SEMA6D: variants seen among roughly 807,000 people sequenced by gnomAD.
The protein encoded by SEMA6D is semaphorin-6D.
A neutral mutation model predicts 106.6 loss-of-function variants in SEMA6D; 35 were observed. The ratio of observed to expected loss-of-function variants is 0.33; its 90% CI spans 0.25 to 0.44. SEMA6D has a LOEUF of 0.44. Ranked by LOEUF, SEMA6D falls within the 20% of genes least tolerant of loss-of-function variation. The pLI, the probability that SEMA6D is intolerant of heterozygous loss-of-function variation, is 1.00. For missense variants in SEMA6D, 1,185 were observed against 1,345.9 expected (o/e 0.88, Z 1.87); for synonymous variants, 499 against 487.7 (o/e 1.02, Z -0.31).
intron 3 of SEMA6D, among the ~76,000 whole-genome samples, chr15:47,571,688 T>C (rs994531248): frequency 6.6e-6 from 1 of 152,214 alleles, no homozygotes; most frequent in African/African-American, 2.4e-5. Context: ...TAGAGTTATG[T>C]AGGCCTCATT....
At chr15:47,291,417 G>T (rs536375941) in intron 1 of SEMA6D, among the ~76,000 whole-genome samples, 1 of 152,194 alleles carries the variant, frequency 6.6e-6, no homozygotes, top group Admixed American at 6.5e-5. Context: ...TGCAGCCCTA[G>T]AACTCCAGCA....
rs1212202049 is a variant in SEMA6D, at chr15:47,238,876, C to T, written c.-239+54458C>T. On this transcript the variant is annotated intron_variant, in intron 1 of 19. Coordinates refer to the SEMA6D transcript ENST00000558014. Reference sequence around the variant, plus strand: ...TCTCCTCTTTTAGGATTCATTGACACTTAGGAATAAATATGCCACTCAACT... The same window carrying T: ...TCTCCTCTTTTAGGATTCATTGACATTTAGGAATAAATATGCCACTCAACT... 3.9e-5 allele frequency among the ~76,000 whole-genome samples: 6 copies of T among 152,122 alleles called. No homozygotes were observed. In the East Asian group the frequency reaches 1.2e-3, roughly 29 times the overall value.
At chr15:47,498,717 G>A (rs189502829) in intron 3 of SEMA6D, among the ~76,000 whole-genome samples, 41 of 152,204 alleles carry the variant, frequency 2.7e-4, no homozygotes, top group Non-Finnish European at 4.9e-4. Flanking sequence ...TTGGAGGGGC[G>A]CTGGAGAACA....
intron 2 of SEMA6D, among the ~76,000 whole-genome samples, chr15:47,425,384 ATTATTTATTT>A (rs1474498553): frequency 6.6e-6 from 1 of 151,834 alleles, no homozygotes; most frequent in Non-Finnish European, 1.5e-5. Context: ...CTTTTAATTA[ATTATTTATTT>A]TTATTTATTT....
At chr15:47,251,340 T>C (rs2141929797) in intron 1 of SEMA6D, among the ~76,000 whole-genome samples, 1 of 152,298 alleles carries the variant, frequency 6.6e-6, no homozygotes, top group South Asian at 2.1e-4. Context: ...TAAGTTCTAC[T>C]CATGAATCTT....
At chr15:47,479,489 A>G (rs1291890839) in intron 3 of SEMA6D, among the ~76,000 whole-genome samples, 1 of 152,206 alleles carries the variant, frequency 6.6e-6, no homozygotes, top group Non-Finnish European at 1.5e-5. Context: ...ATAAATGTAT[A>G]AGCACCAATT....
At chr15:47,398,162 TC>T (rs1395001767) in intron 1 of SEMA6D, among the ~76,000 whole-genome samples, 1 of 152,208 alleles carries the variant, frequency 6.6e-6, no homozygotes, top group East Asian at 1.9e-4. Flanking sequence ...TAAGAATTTT[TC>T]CCTTCTTAGC....
At chr15:47,554,965 T>A (rs547412510) in intron 3 of SEMA6D, among the ~76,000 whole-genome samples, 1 of 152,224 alleles carries the variant, frequency 6.6e-6, no homozygotes. Flanking sequence ...ATTTTCGCTC[T>A]GATTGAAAAT....
chr15:47,366,274 G>A (rs1027196035), intron 1 of SEMA6D, among the ~76,000 whole-genome samples: 3 of 152,220 alleles, frequency 2.0e-5, no homozygotes, highest in African/African-American at 7.2e-5. Context: ...TACAGAGAGT[G>A]CACTGTGACT....
At chr15:47,286,340 C>T (rs927028313) in intron 1 of SEMA6D, among the ~76,000 whole-genome samples, 4 of 152,200 alleles carry the variant, frequency 2.6e-5, no homozygotes, top group Admixed American at 2.6e-4. Context: ...CACCTTTACA[C>T]TCTTAAAAAT....
At chr15:47,348,722 A>ACACACACACACAC (rs1567016690) in intron 1 of SEMA6D, among the ~76,000 whole-genome samples, 19 of 37,036 alleles carry the variant, frequency 5.1e-4, no homozygotes, top group African/African-American at 1.4e-3. Flanking sequence ...CACACACCAC[A>ACACACACACACAC]CACACAGAGA....
chr15:47,654,139 C>T (rs1264982384), intron 4 of SEMA6D, among the ~76,000 whole-genome samples: 1 of 152,134 alleles, frequency 6.6e-6, no homozygotes, highest in Non-Finnish European at 1.5e-5. Context: ...TTTTCCATCC[C>T]GAACTGCAGG....
At chr15:47,750,754 T>C (rs1005548206) in intron 1 of SEMA6D, among the ~76,000 whole-genome samples, 1 of 152,224 alleles carries the variant, frequency 6.6e-6, no homozygotes, top group East Asian at 1.9e-4. Context: ...GGAACCCACA[T>C]TCCTAGAAGG....
At chr15:47,365,890 G>GGA (rs201368884) in intron 1 of SEMA6D, among the ~76,000 whole-genome samples, 9,127 of 119,470 alleles carry the variant, frequency 0.076, 387 homozygotes, top group Middle Eastern at 0.15. Flanking sequence ...GAGAGAGAGA[G>GGA]GAGAGAGAGA....
At chr15:47,442,047 A>T (rs981858476) in intron 2 of SEMA6D, among the ~76,000 whole-genome samples, 1 of 152,148 alleles carries the variant, frequency 6.6e-6, no homozygotes, top group Non-Finnish European at 1.5e-5. Flanking sequence ...AAAGGCAGCT[A>T]AATTCATTCT....
At chr15:47,467,847 A>T (rs148382942) in intron 2 of SEMA6D, among the ~76,000 whole-genome samples, 130 of 152,292 alleles carry the variant, frequency 8.5e-4, no homozygotes, top group African/African-American at 2.9e-3. Context: ...CAGAAAGAAG[A>T]CCAGTTTGAA....
chr15:47,657,171 C>G (rs2077813646), intron 4 of SEMA6D, among the ~76,000 whole-genome samples: 1 of 152,060 alleles, frequency 6.6e-6, no homozygotes, highest in South Asian at 2.1e-4. Flanking sequence ...AAAAGTAATG[C>G]TAACATTTAT....
At position 47,720,263 on chromosome 15, in the gene SEMA6D, T is replaced by G. The variant is rs1179950801; in HGVS notation, c.-55+2571T>G. On this transcript the variant is annotated intron_variant, in intron 1 of 18. Transcript: ENST00000536845. ...GGGATGCTATATCAATAACCTTTCTTTTTTTTTTTTTTTTTTTTTTTGGAA... is the reference window on the plus strand; with the variant it reads ...GGGATGCTATATCAATAACCTTTCTGTTTTTTTTTTTTTTTTTTTTTGGAA... Among the ~76,000 whole-genome samples, 270 of 64,634 alleles carry G rather than the reference T, an allele frequency of 4.2e-3. 1 individual carries two copies. In the African/African-American group the frequency reaches 0.045, roughly 11 times the overall value. The allele number at this position is 64,634 out of a possible 152,430, so 42.4% of individuals were successfully genotyped here.
intron 1 of SEMA6D, among the ~76,000 whole-genome samples, chr15:47,365,648 G>A (rs542553713): frequency 4.0e-5 from 6 of 151,866 alleles, no homozygotes; most frequent in African/African-American, 1.4e-4. Flanking sequence ...ATCACCTGAA[G>A]TCAGGAGTTC....
Sources: gnomAD v4.1 joint callset for allele counts (sites outside exome capture counted in the v4.1 genomes callset) on GRCh38, gnomAD v4.1.1 for gene constraint, MANE v1.5 for transcripts, NCBI Gene and HGNC (gene_info 2026-07-23, HGNC 2026-07-21) for gene names.